Variants in FCHSD2 observed in about 807,000 individuals in gnomAD.
The protein encoded by FCHSD2 is F-BAR and double SH3 domains protein 2.
FCHSD2 carries 38 observed loss-of-function variants against 108.1 expected under a neutral mutation model. That is an observed-to-expected ratio of 0.35 (90% confidence interval 0.27 to 0.46). The LOEUF (loss-of-function observed/expected upper bound fraction) is 0.46. FCHSD2 is among the 20% of genes least tolerant of loss of function. The pLI is 1.00. For missense variants in FCHSD2, 751 were observed against 897.8 expected, an observed-to-expected ratio of 0.84 and a Z score of 2.09; for synonymous variants, 279 against 314.7, an observed-to-expected ratio of 0.89 and a Z score of 1.20.
At position 73,029,092 on chromosome 11, in the gene FCHSD2, T is replaced by C. The variant is rs192004615; in HGVS notation, c.166-13207A>G. On this transcript the variant is annotated intron_variant, in intron 3 of 19. Transcript: ENST00000409418. Reference sequence around the variant, plus strand: ...ACTATGAAGACCAGAAAGGGCACCATAAATATAATGGTGTAGTACACTAAA... The same window carrying C: ...ACTATGAAGACCAGAAAGGGCACCACAAATATAATGGTGTAGTACACTAAA... Among the ~76,000 whole-genome samples the C allele has an allele frequency of 6.6e-5, 10 of 152,184 alleles. No homozygotes were observed. The East Asian group carries it at 1.2e-3, about 18-fold the overall frequency.
chr11:73,012,454 C>T (rs1591481371), intron 4 of FCHSD2, among the ~76,000 whole-genome samples: 1 of 152,264 alleles, frequency 6.6e-6, no homozygotes, highest in East Asian at 1.9e-4. Flanking sequence ...TCTTTATACT[C>T]CTGTACTGTT....
rs113340921 is a variant in FCHSD2, at chr11:72,890,114, T to A, written c.925-169A>T. Among the ~76,000 whole-genome samples, 4 of 152,194 alleles carry A rather than the reference T, an allele frequency of 2.6e-5. 1 individual carries two copies. The highest frequency in any genetic ancestry group is 9.6e-5 in the African/African-American group (4 of 41,522). Reference sequence around the variant, plus strand: ...ACGTCACAGAAAGTTACCAGAAGAGTAAGATCAGCATAAAACCATTAAAGA... The same window carrying A: ...ACGTCACAGAAAGTTACCAGAAGAGAAAGATCAGCATAAAACCATTAAAGA... On this transcript the variant is annotated intron_variant, in intron 10 of 19. Transcript: ENST00000409418.
chr11:72,913,839 A>AAC (rs1855816545), intron 9 of FCHSD2, among the ~76,000 whole-genome samples: 1 of 151,370 alleles, frequency 6.6e-6, no homozygotes, highest in African/African-American at 2.4e-5. Context: ...AAAAAACAAA[A>AAC]AAAAAAACCC....
chr11:72,930,446 T>C (rs867352701), intron 8 of FCHSD2, among the ~76,000 whole-genome samples: 3 of 152,206 alleles, frequency 2.0e-5, no homozygotes, highest in Middle Eastern at 3.2e-3. Flanking sequence ...TCTCTATATT[T>C]TCTTTGACTT....
intron 8 of FCHSD2, among the ~76,000 whole-genome samples, chr11:72,948,938 T>A (rs1856571265): frequency 6.6e-6 from 1 of 151,994 alleles, no homozygotes; most frequent in Non-Finnish European, 1.5e-5. Context: ...GTGCTGGGAT[T>A]ACAGGCATGA....
At chr11:73,078,340 C>CAT (rs1191329587) in intron 3 of FCHSD2, among the ~76,000 whole-genome samples, 1 of 152,118 alleles carries the variant, frequency 6.6e-6, no homozygotes, top group Non-Finnish European at 1.5e-5. Flanking sequence ...TACCCCCAGA[C>CAT]ATATACCAAA....
At chr11:73,060,075 C>G (rs180968003) in intron 3 of FCHSD2, among the ~76,000 whole-genome samples, 3 of 152,316 alleles carry the variant, frequency 2.0e-5, no homozygotes, top group Admixed American at 2.0e-4. Flanking sequence ...ACACTGCTAT[C>G]AGAGATGACT....
chr11:72,917,793 C>G (rs1855903462), intron 9 of FCHSD2, among the ~76,000 whole-genome samples: 1 of 151,946 alleles, frequency 6.6e-6, no homozygotes, highest in Non-Finnish European at 1.5e-5. Context: ...GATGCTGAGG[C>G]AGGAGAATCG....
chr11:73,066,747 G>A (rs1260578983), intron 3 of FCHSD2, among the ~76,000 whole-genome samples: 1 of 152,088 alleles, frequency 6.6e-6, no homozygotes, highest in Non-Finnish European at 1.5e-5. Context: ...CATCATCATT[G>A]GTCATTAAAG....
chr11:73,024,397 T>C (rs1166176475), intron 3 of FCHSD2, among the ~76,000 whole-genome samples: 1 of 152,178 alleles, frequency 6.6e-6, no homozygotes, highest in Non-Finnish European at 1.5e-5. Flanking sequence ...ATAAACATTG[T>C]ACACTAGTTG....
chr11:73,136,556 T>G (rs905578916), intron 2 of FCHSD2, among the ~76,000 whole-genome samples: 1 of 151,824 alleles, frequency 6.6e-6, no homozygotes, highest in African/African-American at 2.4e-5. Context: ...AATTTAATAA[T>G]AATAAAAAAA....
At chr11:73,140,418 C>G (rs1783598) in intron 1 of FCHSD2, among the ~76,000 whole-genome samples, 1 of 152,062 alleles carries the variant, frequency 6.6e-6, no homozygotes, top group African/African-American at 2.4e-5. Flanking sequence ...GCTCAATCCA[C>G]GTCTAGGTCT....
chr11:72,864,016 C>G (rs749738163), intron 13 of FCHSD2, among the ~76,000 whole-genome samples: 4 of 152,222 alleles, frequency 2.6e-5, no homozygotes, highest in African/African-American at 4.8e-5. Context: ...TTACCCTTAT[C>G]TCCAACATCA....
rs1236007405 is a variant in FCHSD2 at position 72,867,871 on chromosome 11, T to C, written c.1302A>G (p.Leu434=). 3 of 1,612,060 alleles carry C rather than the reference T, an allele frequency of 1.9e-6. No individual in the cohort carries two copies. The highest frequency in any genetic ancestry group is 2.5e-6 in the Non-Finnish European group (3 of 1,179,224). The change falls in exon 13 of 20, where the codon TTA becomes TTG. Residue 434 remains leucine (L), a synonymous_variant. Coordinates refer to ENST00000409418, the MANE Select transcript of FCHSD2 (RefSeq NM_014824.3). ...CCAAGAAAAGAAATCGTACCGAGTG[T>C]AAAGTGCCATTACTGGTCACTGCAG... ...RPPAVTSNGT[L]HSLNADTERE... is the part of the protein sequence containing the mutation.
At chr11:72,887,231 A>C (rs1855216265) in intron 12 of FCHSD2, among the ~76,000 whole-genome samples, 1 of 152,136 alleles carries the variant, frequency 6.6e-6, no homozygotes, top group African/African-American at 2.4e-5. Context: ...TAGTATCTTC[A>C]TTGTGACTTA....
At chr11:72,924,622 C>T (rs1856040601) in intron 8 of FCHSD2, among the ~76,000 whole-genome samples, 1 of 151,544 alleles carries the variant, frequency 6.6e-6, no homozygotes, top group African/African-American at 2.4e-5. Flanking sequence ...GGTACTATAT[C>T]TAAGAATCCT....
At chr11:73,115,012 C>T (rs919484109) in intron 2 of FCHSD2, among the ~76,000 whole-genome samples, 1 of 152,170 alleles carries the variant, frequency 6.6e-6, no homozygotes, top group Admixed American at 6.5e-5. Flanking sequence ...AATTGGAGTC[C>T]TAGTGTCTTA....
At chr11:73,088,968 T>A (rs555118712) in intron 2 of FCHSD2, among the ~76,000 whole-genome samples, 1 of 152,338 alleles carries the variant, frequency 6.6e-6, no homozygotes, top group East Asian at 1.9e-4. Flanking sequence ...ATAGCTTTTG[T>A]ACCCTTGATG....
At chr11:72,901,773 G>A (rs745660353) in intron 10 of FCHSD2, among the ~76,000 whole-genome samples, 8 of 152,082 alleles carry the variant, frequency 5.3e-5, no homozygotes, top group African/African-American at 7.2e-5. Flanking sequence ...TAAGAAATCT[G>A]AAAGGAATTA....
Sources: gnomAD v4.1 joint callset for allele counts (sites outside exome capture counted in the v4.1 genomes callset) on GRCh38, gnomAD v4.1.1 for gene constraint, MANE v1.5 for transcripts, NCBI Gene and HGNC (gene_info 2026-07-23, HGNC 2026-07-21) for gene names.